The following SLX4 variants were observed in gnomAD, a reference collection of about 807,000 sequenced individuals.
The protein encoded by SLX4 is SLX4 structure-specific endonuclease subunit.
Under a neutral mutation model 146.2 loss-of-function variants are expected in SLX4, and 112 were observed. That is an observed-to-expected ratio of 0.77 (90% CI 0.66 to 0.90). SLX4 has a LOEUF of 0.90. Among genes scored for constraint, SLX4 ranks in the 40% least tolerant of loss-of-function variants. SLX4 has a pLI of 0.00. For missense variants in SLX4, 2,563 were observed against 2,392.7 expected, an observed-to-expected ratio of 1.07 and a Z score of -1.49; for synonymous variants, 1,061 against 997.7, an observed-to-expected ratio of 1.06 and a Z score of -1.20.
At position 3,582,608 on chromosome 16, in the gene SLX4, C is replaced by A. The variant is rs201214017; in HGVS notation, c.5239G>T (p.Val1747Leu). Residue 1747 changes from valine to leucine, a missense_variant, in exon 15 of 15, where the codon GTG (valine) becomes TTG (leucine). Transcript: ENST00000294008. ...GCCTCGTCTGTGTCCGCCGCCTGCACGGCTGCCTGCGAGGCACTGACCTCC... is the reference window on the plus strand; with the variant it reads ...GCCTCGTCTGTGTCCGCCGCCTGCAAGGCTGCCTGCGAGGCACTGACCTCC... ...EGEVSASQAA[V>L]QAADTDEALR... 6.2e-7 allele frequency: 1 copy of A among 1,613,588 alleles called. No homozygotes were observed. The highest frequency in any genetic ancestry group is 2.2e-5 in the East Asian group (1 of 44,886).
In SLX4 at chr16:3,597,021, C is replaced by T. The variant is rs1248821835; in HGVS notation, c.1683+358G>A. On this transcript the variant is annotated intron_variant, in intron 7 of 14. Transcript: ENST00000294008. The surrounding 1 kb of genome is among the most constrained non-coding windows in gnomAD (Gnocchi z 4.4). ...TATTCTTAGTAGAGATGGGGTTTCACCATATTAGCCAGGCTGGTCTCGAAC... is the reference window on the plus strand; with the variant it reads ...TATTCTTAGTAGAGATGGGGTTTCATCATATTAGCCAGGCTGGTCTCGAAC... 6.6e-6 allele frequency among the ~76,000 whole-genome samples: 1 copy of T among 152,124 alleles called. No individual in the cohort carries two copies. Among genetic ancestry groups the T allele is most frequent in the East Asian group, 1.9e-4 (1 of 5,188 alleles).
chr16:3,591,610 G>A (rs2040596637), intron 11 of SLX4, among the ~76,000 whole-genome samples: 1 of 152,228 alleles, frequency 6.6e-6, no homozygotes, highest in South Asian at 2.1e-4. Flanking sequence ...AAACTGGGGA[G>A]TCTGTGCTGC....
chr16:3,590,663 C>T lies in SLX4; in HGVS notation c.2975G>A (p.Gly992Glu), dbSNP rs139287784. 803 of 1,614,196 alleles carry T rather than the reference C, an allele frequency of 5.0e-4. 1 individual carries two copies. In the Middle Eastern group the frequency reaches 0.017, roughly 34 times the overall value. The stretch of plus-strand genomic sequence containing the variant: ...TATTTGGGACGGCTCTGAGATCTCT[C>T]CCTGAGTTGATGAGAAGAGCTGTTC... ...DYEQLFSSTQ[G>E]EISEPSQITS... is the part of the protein sequence containing the mutation. The change falls in exon 12 of 15, where the codon GGA becomes GAA. Residue 992 changes from glycine (G) to glutamate (E), a missense_variant. By Grantham distance (98) the Gly-to-Glu change is moderately conservative. Coordinates refer to ENST00000294008, the MANE Select transcript of SLX4 (RefSeq NM_032444.4). This position sits in a 1 kb window ranked among gnomAD's most constrained non-coding sequence, Gnocchi z 4.8.
Position 3,606,663 on chromosome 16 carries a change from A to G in SLX4, c.571T>C (p.Ser191Pro), listed in dbSNP as rs2151138049. The G allele has an allele frequency of 6.2e-7, 1 of 1,614,172 alleles. No individual in the cohort carries two copies. The highest frequency in any genetic ancestry group is 1.1e-5 in the South Asian group (1 of 91,078). ...CTTGGCACTGCTGTTGTCAAACAGG[A>G]AGGAGGAGGCTGGGAGTCGCTGTTG... ...VPNSDSQPPP[S>P]CLTTAVPSPS... The change falls in exon 3 of 15, where the codon TCC becomes CCC. Residue 191 changes from serine to proline, a missense_variant. Transcript: ENST00000294008.
chr16:3,598,071 C>T, intron 5 of SLX4, 72 bp from the exon 6 acceptor site: 1 of 1,564,328 alleles, frequency 6.4e-7, no homozygotes, highest in Non-Finnish European at 8.8e-7. Context: ...TCACACTGGT[C>T]TGGAGAGGGC....
At chr16:3,593,731 T>C (rs2151127876) in intron 10 of SLX4, among the ~76,000 whole-genome samples, 1 of 152,364 alleles carries the variant, frequency 6.6e-6, no homozygotes, top group South Asian at 2.1e-4. Context: ...CCTGAGTTCC[T>C]GCCCACACTC....
chr16:3,591,149 G>A lies in SLX4; in HGVS notation c.2489C>T (p.Ala830Val), dbSNP rs757069261. The A allele has an allele frequency of 4.3e-6, 7 of 1,614,078 alleles. No individual in the cohort carries two copies. The highest frequency in any genetic ancestry group is 1.6e-4 in the Middle Eastern group (1 of 6,062). ...GTCCTTGGATTTCAACAAAGTCTCC[G>A]CTTCCTCCTCTTCATCTGCCCACAT... ...RSMWADEEEE[A>V]ETLLKSKDHE... Residue 830 changes from alanine to valine, a missense_variant, in exon 12 of 15, where the codon GCG becomes GTG. By Grantham distance (64) the Ala-to-Val change is moderately conservative. Coordinates refer to ENST00000294008, the MANE Select transcript of SLX4 (RefSeq NM_032444.4).
Position 3,608,620 on chromosome 16 carries a change from G to A in SLX4, c.345C>T (p.Ser115=), listed in dbSNP as rs1442020030. 6 of 1,614,072 alleles carry A rather than the reference G, an allele frequency of 3.7e-6. No homozygotes were observed. The South Asian group carries it at 4.4e-5, about 12-fold the overall frequency. The change falls in exon 2 of 15, where the codon AGC becomes AGT. Residue 115 remains serine (S), a synonymous_variant. Coordinates refer to ENST00000294008, the MANE Select transcript of SLX4 (RefSeq NM_032444.4). ...GPAEKKPPSG[S]QAPRTKKQRV... Reference sequence around the variant, plus strand: ...TTTGCTTTTTAGTCCTAGGGGCCTGGCTGCCAGACGGAGGTTTCTTCTCTG... The same window carrying A: ...TTTGCTTTTTAGTCCTAGGGGCCTGACTGCCAGACGGAGGTTTCTTCTCTG...
At position 3,592,725 on chromosome 16, in the gene SLX4, G is replaced by A. The variant is rs555778729; in HGVS notation, c.2301C>T (p.Ser767=). 17 of 1,613,358 alleles carry A rather than the reference G, an allele frequency of 1.1e-5. No homozygotes were observed. The African/African-American group carries it at 1.3e-4, about 13-fold the overall frequency. The part of the protein sequence containing the change: ...TADTGLPPGL[S]SELSSLAHRF... The stretch of plus-strand genomic sequence containing the variant: ...TGTGGGCCAGGGAGCTCAGCTCAGA[G>A]CTAAGGCCAGGAGGAAGGCCAGTGT... Residue 767 remains serine (S), a synonymous_variant, in exon 11 of 15, where the codon AGC becomes AGT. Transcript: ENST00000294008.
chr16:3,589,511 T>C lies in SLX4; in HGVS notation c.4127A>G (p.His1376Arg), dbSNP rs1437214818. Reference protein sequence around the residue: ...RAHFSRRFLKHSPPGPSFLNQ... With the variant: ...RAHFSRRFLKRSPPGPSFLNQ... ...CAGGAAGCTTGGCCCAGGCGGCGAG[T>C]GTTTCAGGAACCGCCTGCTGAAGTG... Residue 1376 changes from histidine to arginine, a missense_variant, in exon 12 of 15, where the codon CAC becomes CGC. Transcript: ENST00000294008. This position sits in a 1 kb window ranked among gnomAD's most constrained non-coding sequence, Gnocchi z 6.2. 6.2e-7 allele frequency: 1 copy of C among 1,608,612 alleles called. No individual in the cohort carries two copies. The highest frequency in any genetic ancestry group is 2.2e-5 in the East Asian group (1 of 44,748).
chr16:3,590,171 T>G lies in SLX4; in HGVS notation c.3467A>C (p.Asp1156Ala). ...NEEDEVILLL[D>A]SDEELELEQT... The stretch of plus-strand genomic sequence containing the variant: ...TTCTAGCTCCAGCTCCTCATCCGAG[T>G]CCAGTAAGAGGATGACCTCATCTTC... Residue 1156 changes from aspartate to alanine, a missense_variant, in exon 12 of 15, where the codon GAC becomes GCC. Asp to Ala is a moderately radical substitution (Grantham distance 126). Coordinates refer to ENST00000294008, the MANE Select transcript of SLX4 (RefSeq NM_032444.4). This position sits in a 1 kb window ranked among gnomAD's most constrained non-coding sequence, Gnocchi z 4.8. 6.2e-7 allele frequency: 1 copy of G among 1,614,174 alleles called. No individual in the cohort carries two copies. The highest frequency in any genetic ancestry group is 8.5e-7 in the Non-Finnish European group (1 of 1,180,036).
chr16:3,586,817 CA>C (rs1361035549), intron 12 of SLX4, among the ~76,000 whole-genome samples: 2,038 of 92,290 alleles, frequency 0.022, 27 homozygotes, highest in African/African-American at 0.056. Context: ...GGCTCCGTCT[CA>C]AAAAAAAAAA....
In SLX4 at chr16:3,590,570, G is replaced by T. The variant is rs769271628; in HGVS notation, c.3068C>A (p.Ala1023Asp). 1.1e-5 allele frequency: 17 copies of T among 1,612,678 alleles called. No homozygotes were observed. In the African/African-American group the frequency reaches 2.0e-4, roughly 19 times the overall value. ...ERGLEVSHRLAPWQASPPHPC... is the reference protein window; with the variant it reads ...ERGLEVSHRLDPWQASPPHPC... ...GTGCGGTGGAGATGCCTGCCAGGGA[G>T]CCAGGCGATGAGAAACCTCCAGCCC... The change falls in exon 12 of 15, where the codon GCT becomes GAT. Residue 1023 changes from alanine (A) to aspartate (D), a missense_variant. Transcript: ENST00000294008. The surrounding 1 kb of genome is among the most constrained non-coding windows in gnomAD (Gnocchi z 4.8).
Position 3,590,354 on chromosome 16 carries a change from G to A in SLX4, c.3284C>T (p.Pro1095Leu). Residue 1095 changes from proline (P) to leucine (L), a missense_variant, in exon 12 of 15, where the codon CCA (proline) becomes CTA (leucine). Coordinates refer to ENST00000294008, the MANE Select transcript of SLX4 (RefSeq NM_032444.4). The surrounding 1 kb of genome is among the most constrained non-coding windows in gnomAD (Gnocchi z 4.8). The part of the protein sequence containing the change: ...DRSILTLSKE[P>L]GHQKGKERRS... ...ACGCTCTTTGCCTTTCTGGTGCCCT[G>A]GCTCTTTAGACAGCGTGAGGATGCT... 6.2e-7 allele frequency: 1 copy of A among 1,614,190 alleles called. No individual in the cohort carries two copies. The highest frequency in any genetic ancestry group is 2.2e-5 in the East Asian group (1 of 44,874).
rs949422992 is a variant in SLX4, at chr16:3,581,923, G to T, written c.*419C>A. The T allele has an allele frequency of 8.1e-5, 19 of 235,114 alleles. No homozygotes were observed. The East Asian group carries it at 1.2e-3, about 15-fold the overall frequency. The allele number at this position is 235,114 out of a possible 1,614,324, so 14.6% of individuals were successfully genotyped here. On this transcript the variant is annotated 3_prime_UTR_variant, in exon 15 of 15. Transcript: ENST00000294008. ...CTGGGCGTGGCAGCGTGTGCCTGTA[G>T]TCCCAGCTATCTGGGAGGCTGAGGC...
Position 3,592,691 on chromosome 16 carries a change from A to G in SLX4, c.2327+8T>C. On this transcript the variant is annotated splice_region_variant and intron_variant, in intron 11 of 14. Coordinates refer to ENST00000294008, the MANE Select transcript of SLX4 (RefSeq NM_032444.4). ...AGTTAATTTCAAAAGCTGGGGAGCA[A>G]TCCAGACCTGTGGGCCAGGGAGCTC... 1 of 1,612,330 alleles carries G rather than the reference A, an allele frequency of 6.2e-7. No homozygotes were observed. The highest frequency in any genetic ancestry group is 1.3e-5 in the African/African-American group (1 of 75,008).
At position 3,583,440 on chromosome 16, in the gene SLX4, G is replaced by A. The variant is rs2151117065; in HGVS notation, c.4810C>T (p.Gln1604Ter). Residue 1604 changes from glutamine to a stop codon, truncating the protein, a stop_gained, in exon 14 of 15, where the codon CAG becomes TAG. Transcript: ENST00000294008. LOFTEE classifies it high-confidence loss of function. ...KLKEIFQYTH[Q>*]TLDSDSEDES... is the part of the protein sequence containing the mutation. The stretch of plus-strand genomic sequence containing the variant: ...TCCTCGGAGTCTGAGTCCAGGGTCT[G>A]GTGAGTGTACTGGAATATCTCCTTC... 6.2e-7 allele frequency: 1 copy of A among 1,614,174 alleles called. No homozygotes were observed. The highest frequency in any genetic ancestry group is 8.5e-7 in the Non-Finnish European group (1 of 1,180,046).
chr16:3,604,920 T>G (rs1384757701), intron 3 of SLX4, among the ~76,000 whole-genome samples: 1 of 149,590 alleles, frequency 6.7e-6, no homozygotes, highest in African/African-American at 2.5e-5. Flanking sequence ...GGGGATTCAT[T>G]GTAATTTTTT....
intron 8 of SLX4, among the ~76,000 whole-genome samples, 156 bp from the exon 9 acceptor site, chr16:3,595,849 C>T (rs1230255196): frequency 6.6e-6 from 1 of 152,190 alleles, no homozygotes; most frequent in Non-Finnish European, 1.5e-5. Flanking sequence ...CCCGCACACC[C>T]TGTCTCACCA....
Sources: gnomAD v4.1 joint callset for allele counts (sites outside exome capture counted in the v4.1 genomes callset) on GRCh38, gnomAD v4.1.1 for gene constraint, Gnocchi (gnomAD v3.1) non-coding constraint, MANE v1.5 for transcripts, NCBI Gene and HGNC (gene_info 2026-07-23, HGNC 2026-07-21) for gene names.